Variants in RAD51B observed in about 807,000 individuals in gnomAD.
RAD51B encodes RAD51 paralog B.
RAD51B carries 38 observed loss-of-function variants against 42.2 expected under a neutral mutation model. The observed-to-expected ratio is 0.90, with a 90% confidence interval of 0.70 to 1.18. The LOEUF is 1.18. RAD51B is among the 50% of genes most tolerant of loss of function. The probability of loss-of-function intolerance (pLI) is 0.00; values close to 1 mark genes in which losing one functional copy is unlikely to be tolerated. For synonymous variants in RAD51B, 154 were observed against 145.2 expected, an observed-to-expected ratio of 1.06 and a Z score of -0.43; for missense variants, 373 against 400.7, an observed-to-expected ratio of 0.93 and a Z score of 0.59.
rs2076493360 is a variant in RAD51B at position 68,057,337 on chromosome 14, A to T, written c.756+170133A>T. Among the ~76,000 whole-genome samples, 3 of 152,140 alleles carry T rather than the reference A, an allele frequency of 2.0e-5. No homozygotes were observed. In the South Asian group the frequency reaches 6.2e-4, roughly 31 times the overall value. On this transcript the variant is annotated intron_variant, in intron 7 of 10. Coordinates refer to ENST00000471583, the MANE Select transcript of RAD51B (RefSeq NM_133510.4). ...ACCATAATCATCAGAATTATCTTTG[A>T]TGGTTTCTAAAATGTGTTGTATTAA...
rs548705864 is a variant in RAD51B at position 68,026,518 on chromosome 14, T to C, written c.756+139314T>C. On this transcript the variant is annotated intron_variant, in intron 7 of 10. Coordinates refer to ENST00000471583, the MANE Select transcript of RAD51B (RefSeq NM_133510.4). ...GGTCAAGAAGAACTTGTTTTATGAA[T>C]CTCGGTGCTCCAGTGTTGGGTGGGT... Among the ~76,000 whole-genome samples the C allele has an allele frequency of 2.6e-5, 4 of 152,318 alleles. No individual in the cohort carries two copies. In the South Asian group the frequency reaches 8.3e-4, roughly 32 times the overall value.
chr14:68,468,119 A>G, intron 9 of RAD51B, 53 bp from the exon 10 acceptor site: 1 of 1,477,864 alleles, frequency 6.8e-7, no homozygotes, highest in Non-Finnish European at 9.5e-7. Context: ...GAGTGAATAG[A>G]GGCCCATCCC....
At chr14:68,387,458 C>G (rs1312091598) in intron 8 of RAD51B, among the ~76,000 whole-genome samples, 1 of 152,148 alleles carries the variant, frequency 6.6e-6, no homozygotes, top group Non-Finnish European at 1.5e-5. Context: ...TTGTTAATAA[C>G]TATATTTCTT....
intron 10 of RAD51B, among the ~76,000 whole-genome samples, chr14:68,571,089 G>T (rs561835289): frequency 2.0e-5 from 3 of 152,306 alleles, no homozygotes; most frequent in East Asian, 1.9e-4. Flanking sequence ...ATTGGCAGAG[G>T]GGGGAGGCAG....
At chr14:68,148,117 A>G (rs1321467706) in intron 7 of RAD51B, among the ~76,000 whole-genome samples, 1 of 152,146 alleles carries the variant, frequency 6.6e-6, no homozygotes, top group Middle Eastern at 3.4e-3. Flanking sequence ...TTTTACTCCA[A>G]TTTATTTTGA....
At chr14:67,917,387 AAG>A (rs2044189021) in intron 7 of RAD51B, among the ~76,000 whole-genome samples, 2 of 152,162 alleles carry the variant, frequency 1.3e-5, no homozygotes, top group African/African-American at 4.8e-5. Context: ...AAGCAAGAGC[AAG>A]AGAGAGAGTA....
intron 7 of RAD51B, among the ~76,000 whole-genome samples, chr14:68,008,108 A>G (rs946679475): frequency 2.0e-5 from 3 of 151,912 alleles, no homozygotes; most frequent in Non-Finnish European, 4.4e-5. Context: ...TGTCTATATA[A>G]TTTGAATCAG....
chr14:68,272,656 TA>T, intron 7 of RAD51B, among the ~76,000 whole-genome samples: 1 of 23,472 alleles, frequency 4.3e-5, no homozygotes, highest in East Asian at 8.5e-4. Context: ...TATATATATA[TA>T]TATATATATT....
intron 3 of RAD51B, among the ~76,000 whole-genome samples, chr14:67,831,915 T>C (rs2041064547): frequency 6.6e-6 from 1 of 152,170 alleles, no homozygotes; most frequent in Non-Finnish European, 1.5e-5. Flanking sequence ...TGAAGTGCTT[T>C]AATTTTGACA....
chr14:68,315,957 T>C lies in RAD51B; in HGVS notation c.853+23977T>C, dbSNP rs1204108170. Among the ~76,000 whole-genome samples the C allele has an allele frequency of 5.3e-5, 8 of 152,338 alleles. No individual in the cohort carries two copies. The East Asian group carries it at 1.3e-3, about 26-fold the overall frequency. ...GAATGAGAACAACAGCATTGCTCTT[T>C]TCGTAGTGTTGTAATAAATATCATC... On this transcript the variant is annotated intron_variant, in intron 8 of 10. Coordinates refer to ENST00000471583, the MANE Select transcript of RAD51B (RefSeq NM_133510.4).
intron 7 of RAD51B, among the ~76,000 whole-genome samples, chr14:68,217,265 TCTC>T (rs1312582704): frequency 3.9e-5 from 6 of 152,190 alleles, no homozygotes; most frequent in Non-Finnish European, 7.3e-5. Context: ...CCATTCTTCA[TCTC>T]CTCTTTTCTA....
intron 10 of RAD51B, among the ~76,000 whole-genome samples, chr14:68,622,572 C>G (rs1891973198): frequency 1.3e-5 from 2 of 152,020 alleles, no homozygotes; most frequent in South Asian, 4.2e-4. Context: ...TTCCTCACCC[C>G]CAGAGCCTAA....
chr14:68,202,133 T>A (rs776513748), intron 7 of RAD51B, among the ~76,000 whole-genome samples: 2 of 152,222 alleles, frequency 1.3e-5, no homozygotes, highest in Non-Finnish European at 2.9e-5. Flanking sequence ...CCAATGTATA[T>A]ACTTTAATTA....
chr14:68,238,339 C>T (rs1419718733), intron 7 of RAD51B, among the ~76,000 whole-genome samples: 1 of 152,044 alleles, frequency 6.6e-6, no homozygotes, highest in South Asian at 2.1e-4. Context: ...CTTGCTCTGT[C>T]GCCCCAGCTG....
chr14:67,853,196 C>T lies in RAD51B; in HGVS notation c.316-11807C>T, dbSNP rs549378991. Among the ~76,000 whole-genome samples, 202 of 152,288 alleles carry T rather than the reference C, an allele frequency of 1.3e-3. 1 individual carries two copies. The highest frequency in any genetic ancestry group is 2.7e-3 in the South Asian group (13 of 4,822). On this transcript the variant is annotated intron_variant, in intron 4 of 10. Transcript: ENST00000471583. ...GAGCTGCAGAGAAATAGATTTTTGC[C>T]AACAGCTTGAATGAACTTGGAAGTT... is the stretch of plus-strand genomic sequence containing the variant.
chr14:68,294,040 CACTT>C (rs2081567009), intron 8 of RAD51B, among the ~76,000 whole-genome samples: 1 of 152,218 alleles, frequency 6.6e-6, no homozygotes, highest in Non-Finnish European at 1.5e-5. Context: ...TATACACACA[CACTT>C]AATTCAGCTC....
At chr14:68,342,880 T>G (rs2082599806) in intron 8 of RAD51B, among the ~76,000 whole-genome samples, 1 of 152,170 alleles carries the variant, frequency 6.6e-6, no homozygotes, top group Non-Finnish European at 1.5e-5. Context: ...CTGTCTTTGT[T>G]GTCCTCTGGA....
chr14:68,370,019 T>A (rs2083221391), intron 8 of RAD51B, among the ~76,000 whole-genome samples: 1 of 152,154 alleles, frequency 6.6e-6, no homozygotes, highest in South Asian at 2.1e-4. Context: ...AAGACAAAGT[T>A]AAATATATAG....
At chr14:68,608,280 C>A (rs2140103683) in intron 10 of RAD51B, among the ~76,000 whole-genome samples, 1 of 152,348 alleles carries the variant, frequency 6.6e-6, no homozygotes, top group East Asian at 1.9e-4. Context: ...TCAAACTGAG[C>A]TGAACAAATT....
Sources: gnomAD v4.1 joint callset for allele counts (sites outside exome capture counted in the v4.1 genomes callset) on GRCh38, gnomAD v4.1.1 for gene constraint, MANE v1.5 for transcripts, NCBI Gene and HGNC (gene_info 2026-07-23, HGNC 2026-07-21) for gene names.